Variants in COMMD10 observed in about 807,000 individuals in gnomAD.
COMMD10 encodes the protein COMM domain-containing protein 10.
Under a neutral mutation model 28.9 loss-of-function variants are expected in COMMD10, and 33 were observed. The observed-to-expected ratio is 1.14, with a 90% CI of 0.87 to 1.53. The LOEUF (loss-of-function observed/expected upper bound fraction) is 1.53, where lower values mean the gene tolerates loss of function less well. Among genes scored for constraint, COMMD10 ranks in the 40% most tolerant of loss-of-function variants. The pLI, the probability that COMMD10 is intolerant of heterozygous loss-of-function variation, is 0.00. For synonymous variants in COMMD10, 110 were observed against 81.7 expected (o/e 1.35, Z -1.87); for missense variants, 310 against 233.4 (o/e 1.33, Z -2.14).
chr5:116,265,229 C>T (rs1405637589), intron 5 of COMMD10, among the ~76,000 whole-genome samples: 2 of 151,658 alleles, frequency 1.3e-5, no homozygotes, highest in African/African-American at 2.4e-5. Context: ...TCTGCTAGAG[C>T]ATAATATTCT....
At chr5:116,125,339 G>T (rs1001080781) in intron 4 of COMMD10, among the ~76,000 whole-genome samples, 1 of 152,128 alleles carries the variant, frequency 6.6e-6, no homozygotes, top group African/African-American at 2.4e-5. Flanking sequence ...GAAATTCTGG[G>T]TTGAAAATTC....
intron 5 of COMMD10, among the ~76,000 whole-genome samples, chr5:116,268,685 T>A (rs1252573050): frequency 6.6e-6 from 1 of 151,682 alleles, no homozygotes; most frequent in Admixed American, 6.6e-5. Flanking sequence ...TAGCAAAGAC[T>A]TGGAACCAAC....
At position 116,245,096 on chromosome 5, in the gene COMMD10, TAAA is replaced by T. The variant is rs548549933; in HGVS notation, c.511-46420_511-46418del. 1.7e-4 allele frequency among the ~76,000 whole-genome samples: 25 copies of T among 150,712 alleles called. No homozygotes were observed. In the South Asian group the frequency reaches 1.9e-3, roughly 11 times the overall value. The stretch of plus-strand genomic sequence containing the variant: ...ATACATAGATCACTAGCTAGACTAA[TAAA>T]GAAGAAAAGAGAATATTCATATAAA... On this transcript the variant is annotated intron_variant, in intron 5 of 6. Transcript: ENST00000274458.
At chr5:116,161,435 C>T (rs958321900) in intron 5 of COMMD10, among the ~76,000 whole-genome samples, 37 of 152,036 alleles carry the variant, frequency 2.4e-4, no homozygotes, top group South Asian at 1.2e-3. Flanking sequence ...GTGCAGTTGA[C>T]CCTTGAACAA....
At chr5:116,166,773 TAACA>T (rs1022933224) in intron 5 of COMMD10, among the ~76,000 whole-genome samples, 12 of 151,966 alleles carry the variant, frequency 7.9e-5, no homozygotes, top group African/African-American at 2.9e-4. Context: ...GAAAGAAAAC[TAACA>T]AACAGAGAAA....
At chr5:116,123,525 G>T (rs865876686) in intron 4 of COMMD10, among the ~76,000 whole-genome samples, 1 of 152,032 alleles carries the variant, frequency 6.6e-6, no homozygotes, top group South Asian at 2.1e-4. Context: ...TTGGTCTAAA[G>T]TTCTCTTTTT....
intron 4 of COMMD10, among the ~76,000 whole-genome samples, chr5:116,101,078 C>T (rs1750644142): frequency 6.6e-6 from 1 of 152,140 alleles, no homozygotes; most frequent in African/African-American, 2.4e-5. Flanking sequence ...TGATTCTGTT[C>T]TTTTTTATGG....
intron 5 of COMMD10, among the ~76,000 whole-genome samples, chr5:116,179,793 C>A (rs1024366712): frequency 6.6e-6 from 1 of 151,626 alleles, no homozygotes; most frequent in African/African-American, 2.4e-5. Context: ...GTGATGGTAA[C>A]CATGAAAGAT....
At chr5:116,100,123 G>A (rs1392375689) in intron 4 of COMMD10, among the ~76,000 whole-genome samples, 1 of 152,094 alleles carries the variant, frequency 6.6e-6, no homozygotes, top group Admixed American at 6.5e-5. Context: ...GAGATCAGGT[G>A]GGAAATTTTC....
intron 5 of COMMD10, among the ~76,000 whole-genome samples, chr5:116,154,096 A>C (rs757702236): frequency 6.6e-6 from 1 of 151,992 alleles, no homozygotes; most frequent in Non-Finnish European, 1.5e-5. Flanking sequence ...GTCTGAGGGG[A>C]CCTGAGTTCC....
At position 116,087,558 on chromosome 5, in the gene COMMD10, A is replaced by G. The variant is rs930207914; in HGVS notation, c.103A>G (p.Thr35Ala). Reference protein sequence around the residue: ...IDTGRFPRLLTRILQKLHLKA... With the variant: ...IDTGRFPRLLARILQKLHLKA... ...TACAGGAAGATTTCCACGGTTGCTC[A>G]CTCGGATTCTTCAAAAACTTCACCT... The change falls in exon 2 of 7, where the codon ACT becomes GCT. Residue 35 changes from threonine (T) to alanine (A), a missense_variant. Transcript: ENST00000274458. 2 of 1,611,952 alleles carry G rather than the reference A, an allele frequency of 1.2e-6. No homozygotes were observed. Among genetic ancestry groups the G allele is most frequent in the Non-Finnish European group, 1.7e-6 (2 of 1,177,990 alleles).
At chr5:116,199,752 A>G (rs1330929020) in intron 5 of COMMD10, among the ~76,000 whole-genome samples, 1 of 152,088 alleles carries the variant, frequency 6.6e-6, no homozygotes, top group Non-Finnish European at 1.5e-5. Flanking sequence ...CTGAGAAGAT[A>G]TTTATTTCTC....
At chr5:116,221,496 A>T (rs1384564593) in intron 5 of COMMD10, among the ~76,000 whole-genome samples, 5 of 152,038 alleles carry the variant, frequency 3.3e-5, no homozygotes, top group African/African-American at 1.2e-4. Context: ...TACTGAGGAT[A>T]CTCTTGGCTA....
chr5:116,178,788 C>T (rs749929279), intron 5 of COMMD10, among the ~76,000 whole-genome samples: 1 of 151,998 alleles, frequency 6.6e-6, no homozygotes, highest in Non-Finnish European at 1.5e-5. Context: ...AAGTTAATGC[C>T]CTGATTTATT....
rs1561592701 is a variant in COMMD10 at position 116,087,605 on chromosome 5, TC to T, written c.132+20del. 1 of 1,505,378 alleles carries T rather than the reference TC, an allele frequency of 6.6e-7. No individual in the cohort carries two copies. The highest frequency in any genetic ancestry group is 9.3e-7 in the Non-Finnish European group (1 of 1,081,016). The allele number at this position is 1,505,378 out of a possible 1,614,324, so 93.3% of individuals were successfully genotyped here. The stretch of plus-strand genomic sequence containing the variant: ...ACCTGAAGGTTTGTATTTGTGTGTT[TC>T]CATGCCTTGTAATCTTCCTTCTGAT... On this transcript the variant is annotated intron_variant, in intron 2 of 6. Coordinates refer to ENST00000274458, the MANE Select transcript of COMMD10 (RefSeq NM_016144.4).
chr5:116,094,099 C>T (rs2112713953), intron 4 of COMMD10, among the ~76,000 whole-genome samples: 1 of 152,266 alleles, frequency 6.6e-6, no homozygotes, highest in Non-Finnish European at 1.5e-5. Context: ...TACTCCAGGA[C>T]ATTTGTCTAG....
At chr5:116,167,508 C>A (rs897045514) in intron 5 of COMMD10, among the ~76,000 whole-genome samples, 1 of 152,094 alleles carries the variant, frequency 6.6e-6, no homozygotes, top group African/African-American at 2.4e-5. Flanking sequence ...CACAAAGATA[C>A]TCCTCGAGAA....
intron 5 of COMMD10, among the ~76,000 whole-genome samples, chr5:116,226,782 G>T (rs911843296): frequency 6.6e-6 from 1 of 152,108 alleles, no homozygotes; most frequent in Non-Finnish European, 1.5e-5. Flanking sequence ...CAGTGGACTG[G>T]CATCTGGGAG....
intron 5 of COMMD10, among the ~76,000 whole-genome samples, chr5:116,216,777 G>A (rs1461601863): frequency 3.3e-5 from 5 of 152,062 alleles, no homozygotes; most frequent in Admixed American, 3.3e-4. Flanking sequence ...CTCATGATCT[G>A]CCTGCCTTAG....
Sources: allele counts gnomAD v4.1 joint callset (sites outside exome capture counted in the v4.1 genomes callset), GRCh38; gene constraint gnomAD v4.1.1; transcripts MANE v1.5; gene names NCBI Gene and HGNC (gene_info 2026-07-23, HGNC 2026-07-21).